The following POC1A variants were observed in gnomAD, a reference collection of about 807,000 sequenced individuals.
POC1A encodes the protein POC1 centriolar protein A, also known as POC1 centriolar protein homolog A.
POC1A carries 34 observed loss-of-function variants against 47.8 expected under a neutral mutation model. That is an observed-to-expected ratio of 0.71 (90% CI 0.54 to 0.95). POC1A has a LOEUF of 0.95. Ranked by LOEUF, POC1A falls within the 40% of genes least tolerant of loss-of-function variation. The pLI, the probability that POC1A is intolerant of heterozygous loss-of-function variation, is 0.00. For synonymous variants in POC1A, 177 were observed against 207.6 expected (o/e 0.85, Z 1.27); for missense variants, 466 against 528.3 (o/e 0.88, Z 1.16).
At chr3:52,080,472 G>A (rs2106924491) in intron 10 of POC1A, among the ~76,000 whole-genome samples, 1 of 152,276 alleles carries the variant, frequency 6.6e-6, no homozygotes, top group South Asian at 2.1e-4. Flanking sequence ...AGCCACAGTG[G>A]GAATGGACAG....
intron 9 of POC1A, among the ~76,000 whole-genome samples, chr3:52,097,421 G>T (rs1052121807): frequency 6.6e-6 from 1 of 152,218 alleles, no homozygotes; most frequent in Non-Finnish European, 1.5e-5. Context: ...GTGTTTCTGC[G>T]TAAGGCCCTT....
rs550403725 is a variant in POC1A, at chr3:52,105,321, T to C, written c.982-8609A>G. Among the ~76,000 whole-genome samples the C allele has an allele frequency of 4.6e-5, 7 of 152,260 alleles. No individual in the cohort carries two copies. In the South Asian group the frequency reaches 1.4e-3, roughly 32 times the overall value. On this transcript the variant is annotated intron_variant, in intron 9 of 10. Transcript: ENST00000296484. ...TAAATATTTTCAACTGAATCTTCGA[T>C]TGGACTGTTCACTGTACAGCCTGCT...
chr3:52,117,408 C>T (rs913210336), intron 9 of POC1A, among the ~76,000 whole-genome samples: 5 of 152,280 alleles, frequency 3.3e-5, no homozygotes, highest in Admixed American at 2.0e-4. Context: ...AGATGCACCA[C>T]GCATGAAATC....
intron 10 of POC1A, among the ~76,000 whole-genome samples, chr3:52,086,522 C>T (rs941494385): frequency 2.0e-5 from 3 of 152,242 alleles, no homozygotes; most frequent in East Asian, 1.9e-4. Context: ...CCTAGCTCTG[C>T]GTTGTATCCT....
intron 9 of POC1A, among the ~76,000 whole-genome samples, chr3:52,119,109 C>G (rs1319951663): frequency 6.6e-6 from 1 of 152,028 alleles, no homozygotes; most frequent in Non-Finnish European, 1.5e-5. Context: ...ACCTGGGCCA[C>G]TATTGCTGCT....
chr3:52,081,815 C>T (rs566732378), intron 10 of POC1A, among the ~76,000 whole-genome samples: 2 of 151,852 alleles, frequency 1.3e-5, no homozygotes, highest in Non-Finnish European at 2.9e-5. Flanking sequence ...GAGGTGCAGG[C>T]AAGAGAGAAC....
chr3:52,097,893 T>C (rs1702876146), intron 9 of POC1A, among the ~76,000 whole-genome samples: 1 of 152,236 alleles, frequency 6.6e-6, no homozygotes, highest in Admixed American at 6.5e-5. Flanking sequence ...GGAATCAACG[T>C]GCTTCAGATC....
At chr3:52,150,064 G>C in intron 2 of POC1A, 77 bp from the exon 3 acceptor site, 1 of 1,264,604 alleles carries the variant, frequency 7.9e-7, no homozygotes, top group East Asian at 2.4e-5. Flanking sequence ...GAGAGGCAGG[G>C]GGAGCAACTG....
At chr3:52,078,550 G>A (rs142468800) in intron 10 of POC1A, among the ~76,000 whole-genome samples, 8 of 128,072 alleles carry the variant, frequency 6.2e-5, no homozygotes, top group Admixed American at 1.8e-4. Context: ...TCGTTCTGTC[G>A]ACCCGGCTGA....
intron 10 of POC1A, among the ~76,000 whole-genome samples, chr3:52,083,318 A>G (rs766666695): frequency 1.3e-5 from 2 of 152,130 alleles, no homozygotes; most frequent in Non-Finnish European, 2.9e-5. Flanking sequence ...CCCCACCCTC[A>G]TACGTGGCGA....
chr3:52,121,930 T>C (rs1703793835), intron 9 of POC1A, among the ~76,000 whole-genome samples: 1 of 151,978 alleles, frequency 6.6e-6, no homozygotes, highest in Non-Finnish European at 1.5e-5. Flanking sequence ...TTCCTCTCCA[T>C]GGTTAGAAAA....
rs1196902772 is a variant in POC1A at position 52,154,376 on chromosome 3, G to A, written c.-4C>T. The A allele has an allele frequency of 2.0e-6, 3 of 1,488,654 alleles. No homozygotes were observed. The highest frequency in any genetic ancestry group is 1.5e-5 in the African/African-American group (1 of 67,432). The allele number at this position is 1,488,654 out of a possible 1,614,324, so 92.2% of individuals were successfully genotyped here. A position where few individuals can be genotyped will look rare whatever the true frequency, so the allele number is the denominator to read the frequency against. ...TTACCGCGCAGGGCGCAGCCATGGC[G>A]GGGCTGGCGGCGCCGAAGGCAGCTG... On this transcript the variant is annotated 5_prime_UTR_variant, in exon 1 of 11. Transcript: ENST00000296484.
At chr3:52,082,461 G>A (rs557830335) in intron 10 of POC1A, among the ~76,000 whole-genome samples, 5 of 152,286 alleles carry the variant, frequency 3.3e-5, no homozygotes, top group African/African-American at 4.8e-5. Context: ...CTAGGAGCTC[G>A]GACCAGGTGG....
chr3:52,153,430 C>T (rs548403452), intron 1 of POC1A, among the ~76,000 whole-genome samples: 31 of 152,244 alleles, frequency 2.0e-4, no homozygotes, highest in Non-Finnish European at 4.3e-4. Context: ...GGCCCTATGG[C>T]CTTGTGCCCA....
intron 10 of POC1A, among the ~76,000 whole-genome samples, chr3:52,092,365 CTG>C (rs1702671843): frequency 6.6e-6 from 1 of 152,200 alleles, no homozygotes; most frequent in Admixed American, 6.5e-5. Context: ...TGCACCAAAA[CTG>C]TTTGGCAAGG....
At chr3:52,114,713 T>C (rs1703500059) in intron 9 of POC1A, among the ~76,000 whole-genome samples, 1 of 152,092 alleles carries the variant, frequency 6.6e-6, no homozygotes, top group South Asian at 2.1e-4. Context: ...GGGGCAGGAA[T>C]GAATTTCCCC....
Position 52,079,342 on chromosome 3 carries a change from C to T in POC1A, c.1126-3357G>A, listed in dbSNP as rs760241047. On this transcript the variant is annotated intron_variant, in intron 10 of 10. Transcript: ENST00000296484. The surrounding 1 kb of genome is among the most constrained non-coding windows in gnomAD (Gnocchi z 4.6). The stretch of plus-strand genomic sequence containing the variant: ...TCGTCGCCTCATGCTCCGTCCAGCC[C>T]GGGAATTATCCTGCTACCAGCGCCT... Among the ~76,000 whole-genome samples the T allele has an allele frequency of 3.5e-4, 54 of 152,360 alleles. 1 individual carries two copies. Among genetic ancestry groups the T allele is most frequent in the Admixed American group, 1.4e-3 (21 of 15,310 alleles).
chr3:52,143,484 T>A (rs372559693), intron 6 of POC1A, among the ~76,000 whole-genome samples: 1 of 152,162 alleles, frequency 6.6e-6, no homozygotes, highest in Non-Finnish European at 1.5e-5. Context: ...AGCTCTCCCA[T>A]GCTTGGAGAC....
intron 6 of POC1A, among the ~76,000 whole-genome samples, chr3:52,141,055 C>T (rs769489296): frequency 1.2e-4 from 19 of 152,314 alleles, no homozygotes; most frequent in Non-Finnish European, 1.9e-4. Flanking sequence ...GGCTCTTATC[C>T]CATCTCCACT....
Sources: gnomAD v4.1 joint callset for allele counts (sites outside exome capture counted in the v4.1 genomes callset) on GRCh38, gnomAD v4.1.1 for gene constraint, Gnocchi (gnomAD v3.1) non-coding constraint, MANE v1.5 for transcripts, NCBI Gene and HGNC (gene_info 2026-07-23, HGNC 2026-07-21) for gene names.